The following LYPD4 variants were observed in gnomAD, a reference collection of about 807,000 sequenced individuals.
LYPD4 encodes the protein LY6/PLAUR domain containing 4.
LYPD4 carries 20 observed loss-of-function variants against 18.2 expected under a neutral mutation model. That is an observed-to-expected ratio of 1.10 (90% CI 0.77 to 1.59). The LOEUF (loss-of-function observed/expected upper bound fraction) is 1.59. Among genes scored for constraint, LYPD4 ranks in the 40% most tolerant of loss-of-function variants. The probability of loss-of-function intolerance (pLI) is 0.00; values close to 1 mark genes in which losing one functional copy is unlikely to be tolerated. For missense variants in LYPD4, 278 were observed against 300.3 expected, an observed-to-expected ratio of 0.93 and a Z score of 0.55; for synonymous variants, 111 against 118.3, an observed-to-expected ratio of 0.94 and a Z score of 0.40.
chr19:41,839,562 G>T, intron 1 of LYPD4, 157 bp from the exon 2 acceptor site: 1 of 485,458 alleles, frequency 2.1e-6, no homozygotes, highest in East Asian at 3.5e-5. Context: ...CTCCCACTTA[G>T]GTCCTCCCAT....
intron 1 of LYPD4, among the ~76,000 whole-genome samples, chr19:41,841,467 A>T (rs1449976586): frequency 4.6e-5 from 7 of 152,056 alleles, no homozygotes; most frequent in African/African-American, 1.7e-4. Context: ...GGAGTTCGCG[A>T]CCAGCCTGGC....
At chr19:41,840,003 C>T (rs1329486865) in intron 1 of LYPD4, among the ~76,000 whole-genome samples, 1 of 150,978 alleles carries the variant, frequency 6.6e-6, no homozygotes, top group Non-Finnish European at 1.5e-5. Context: ...GAACCGAGAT[C>T]GCGCCACTGC....
intron 1 of LYPD4, 81 bp downstream of exon 1, chr19:41,843,497 G>A (rs2073718944): frequency 1.3e-5 from 2 of 151,842 alleles, no homozygotes; most frequent in Non-Finnish European, 2.9e-5. Context: ...ACTACCTAAA[G>A]GATCAAGTTC....
At chr19:41,840,673 C>A (rs1264797130) in intron 1 of LYPD4, among the ~76,000 whole-genome samples, 2 of 150,926 alleles carry the variant, frequency 1.3e-5, no homozygotes, top group Non-Finnish European at 3.0e-5. Context: ...TCTAAAAACA[C>A]AAAAAAATTA....
At position 41,842,764 on chromosome 19, in the gene LYPD4, C is replaced by CAAAAAAA. The variant is rs782233081; in HGVS notation, c.-121+807_-121+813dup. ...CAATAAGAGTGAAACTCCGTCTAAA[C>CAAAAAAA]AAAAAAAAAAAAAAAAAAAAAAAAA... is the stretch of plus-strand genomic sequence containing the variant. On this transcript the variant is annotated intron_variant, in intron 1 of 4. Transcript: ENST00000609812. Among the ~76,000 whole-genome samples, 160 of 49,798 alleles carry CAAAAAAA rather than the reference C, an allele frequency of 3.2e-3. 3 individuals are homozygous for CAAAAAAA. The highest frequency in any genetic ancestry group is 3.7e-3 in the African/African-American group (32 of 8,672). 32.7% of individuals were successfully genotyped at this position (49,798 alleles called of 152,430 possible).
rs781997244 is a variant in LYPD4, at chr19:41,839,008, C to T, written c.84G>A (p.Leu28=). Residue 28 remains leucine (L), a synonymous_variant, in exon 3 of 5, where the codon TTG becomes TTA. Transcript: ENST00000609812. ...ISTLPRAGAL[L]CYEATASRFR... ...ATCTTGAGGCTGTTGCTTCATAGCA[C>T]AAAAGAGCTCCAGCCCCTAAAAAGA... 6.2e-7 allele frequency: 1 copy of T among 1,613,780 alleles called. No homozygotes were observed. The highest frequency in any genetic ancestry group is 8.5e-7 in the Non-Finnish European group (1 of 1,180,000).
In LYPD4 at chr19:41,843,848, TAACA is replaced by T. The variant is rs1455972338; in HGVS notation, c.-395_-392del. 2 of 119,942 alleles carry T rather than the reference TAACA, an allele frequency of 1.7e-5. No homozygotes were observed. Among genetic ancestry groups the T allele is most frequent in the African/African-American group, 6.6e-5 (2 of 30,370 alleles). 7.4% of individuals were successfully genotyped at this position (119,942 alleles called of 1,614,324 possible). On this transcript the variant is annotated 5_prime_UTR_variant, in exon 1 of 5. Coordinates refer to ENST00000609812, the MANE Select transcript of LYPD4 (RefSeq NM_173506.7). ...GATGCAGAACAACTGGACCTGGACCTAACAAGCTGAGTACAAGTGGAGACGCAAC... is the reference window on the plus strand; with the variant it reads ...GATGCAGAACAACTGGACCTGGACCTAGCTGAGTACAAGTGGAGACGCAAC...
chr19:41,838,536 TACCCAGCCC>T (rs1288719844), intron 3 of LYPD4, among the ~76,000 whole-genome samples: 1 of 152,020 alleles, frequency 6.6e-6, no homozygotes, highest in Non-Finnish European at 1.5e-5. Context: ...TCTACCCACT[TACCCAGCCC>T]ACAACACAAC....
intron 4 of LYPD4, among the ~76,000 whole-genome samples, 166 bp from the exon 5 acceptor site, chr19:41,837,511 T>C (rs535615272): frequency 6.6e-6 from 1 of 152,166 alleles, no homozygotes; most frequent in Non-Finnish European, 1.5e-5. Context: ...CTGGCCAACA[T>C]GGCAAAAACC....
chr19:41,842,934 A>G (rs964229563), intron 1 of LYPD4, among the ~76,000 whole-genome samples: 2 of 148,940 alleles, frequency 1.3e-5, no homozygotes, highest in African/African-American at 4.9e-5. Flanking sequence ...GTGGTCGTTC[A>G]TGCCTGTGAT....
chr19:41,837,335 AT>A lies in LYPD4; in HGVS notation c.548del (p.Asn183IlefsTer17). On this transcript the variant is annotated frameshift_variant, in exon 5 of 5. Coordinates refer to ENST00000609812, the MANE Select transcript of LYPD4 (RefSeq NM_173506.7). LOFTEE classifies it low-confidence loss of function (END_TRUNC). ...CACACCCCATGAGGAGGAAGGTGGT[AT>A]TGAGAAACCCTGTAAGGAAGAGAGG... ...STLKFQAGFL[N>X]TTFLLMGCAR... 2 of 1,613,964 alleles carry A rather than the reference AT, an allele frequency of 1.2e-6. No individual in the cohort carries two copies. The highest frequency in any genetic ancestry group is 2.7e-5 in the African/African-American group (2 of 75,016).
downstream of LYPD4, among the ~76,000 whole-genome samples, chr19:41,836,715 G>C (rs1386457736): frequency 6.7e-6 from 1 of 150,276 alleles, no homozygotes; most frequent in Non-Finnish European, 1.5e-5. Flanking sequence ...GGGCAACATA[G>C]TGAGACAGAC....
At chr19:41,836,098 A>C (rs912855435), downstream of LYPD4, 3 of 150,818 alleles carry the variant, frequency 2.0e-5, no homozygotes, top group Non-Finnish European at 4.4e-5. Context: ...TCTCACACAC[A>C]CACACACACA....
In LYPD4 at chr19:41,839,364, A is replaced by C; in HGVS notation, c.-79T>G. 1.5e-6 allele frequency: 2 copies of C among 1,356,730 alleles called. No individual in the cohort carries two copies. The highest frequency in any genetic ancestry group is 2.1e-6 in the Non-Finnish European group (2 of 948,218). The allele number at this position is 1,356,730 out of a possible 1,614,324, so 84.0% of individuals were successfully genotyped here. ...CTGGATCCCAAGCTCAGTTCCCATC[A>C]GTCCCCGAATTCTTTGTCCACCTGT... On this transcript the variant is annotated 5_prime_UTR_variant, in exon 2 of 5. Transcript: ENST00000609812.
At chr19:41,841,934 T>C (rs556408229) in intron 1 of LYPD4, among the ~76,000 whole-genome samples, 169 of 152,300 alleles carry the variant, frequency 1.1e-3, no homozygotes, top group African/African-American at 3.8e-3. Context: ...CAAAGCAGCA[T>C]TGCAGGGGTC....
chr19:41,838,847 C>A (rs1368982694), intron 3 of LYPD4, 34 bp downstream of exon 3: 1 of 1,609,990 alleles, frequency 6.2e-7, no homozygotes, highest in Non-Finnish European at 8.5e-7. Context: ...GAAGAGCAAG[C>A]AAAACGAAAT....
intron 2 of LYPD4, 71 bp downstream of exon 2, chr19:41,839,148 G>A (rs542218849): frequency 3.8e-5 from 61 of 1,612,906 alleles, no homozygotes; most frequent in South Asian, 3.0e-4. Flanking sequence ...CCCAGCCCTC[G>A]TTCCACCAGT....
intron 1 of LYPD4, among the ~76,000 whole-genome samples, chr19:41,842,345 G>C (rs2073621528): frequency 6.6e-6 from 1 of 152,102 alleles, no homozygotes; most frequent in African/African-American, 2.4e-5. Context: ...GCATTATTGT[G>C]GTGATGGTAG....
downstream of LYPD4, chr19:41,835,746 G>C (rs949919042): frequency 1.6e-5 from 16 of 983,248 alleles, no homozygotes; most frequent in Non-Finnish European, 1.9e-5. Flanking sequence ...CCGAAACCTC[G>C]TGTCAGTCCC....
Sources: gnomAD v4.1 joint callset for allele counts (sites outside exome capture counted in the v4.1 genomes callset) on GRCh38, gnomAD v4.1.1 for gene constraint, MANE v1.5 for transcripts, NCBI Gene and HGNC (gene_info 2026-07-23, HGNC 2026-07-21) for gene names.